The following NRTN variants were observed in gnomAD, a reference collection of about 807,000 sequenced individuals.
The protein encoded by NRTN is prepro-neurturin.
NRTN carries 3 observed loss-of-function variants against 7.5 expected under a neutral mutation model. The ratio of observed to expected loss-of-function variants is 0.40; its 90% CI spans 0.18 to 1.03. The LOEUF (loss-of-function observed/expected upper bound fraction) is 1.03. Ranked by LOEUF, NRTN falls within the 50% of genes least tolerant of loss-of-function variation. The probability of loss-of-function intolerance (pLI) is 0.34; values close to 1 mark genes in which losing one functional copy is unlikely to be tolerated. For synonymous variants in NRTN, 157 were observed against 146.6 expected, an observed-to-expected ratio of 1.07 and a Z score of -0.51; for missense variants, 310 against 307.0, an observed-to-expected ratio of 1.01 and a Z score of -0.07.
chr19:5,807,381 A>G (rs951707091), intron 1 of NRTN, among the ~76,000 whole-genome samples: 4 of 152,176 alleles, frequency 2.6e-5, no homozygotes, highest in African/African-American at 9.7e-5. Context: ...CCGCTGATGC[A>G]TCTCCCTGGT....
chr19:5,808,067 A>G (rs1444925222), intron 1 of NRTN, among the ~76,000 whole-genome samples: 1 of 152,178 alleles, frequency 6.6e-6, no homozygotes, highest in African/African-American at 2.4e-5. Flanking sequence ...TGGGTGACAG[A>G]GTGAGACCCC....
chr19:5,812,453 G>A (rs1255662467), intron 1 of NRTN, among the ~76,000 whole-genome samples: 1 of 152,210 alleles, frequency 6.6e-6, no homozygotes, highest in Non-Finnish European at 1.5e-5. Context: ...AGGGGCGGCT[G>A]GGGGTGTCTG....
chr19:5,808,077 C>T (rs865829293), intron 1 of NRTN, among the ~76,000 whole-genome samples: 2 of 152,076 alleles, frequency 1.3e-5, no homozygotes, highest in African/African-American at 4.8e-5. Flanking sequence ...AGTGAGACCC[C>T]GTCTCAAAAG....
At chr19:5,818,326 G>A (rs1599636868) in intron 1 of NRTN, among the ~76,000 whole-genome samples, 1 of 152,126 alleles carries the variant, frequency 6.6e-6, no homozygotes, top group Non-Finnish European at 1.5e-5. Flanking sequence ...ATGTGAGTGT[G>A]ATCGTGTGTG....
chr19:5,826,451 CAG>C (rs1314195445), intron 2 of NRTN, among the ~76,000 whole-genome samples: 1 of 152,170 alleles, frequency 6.6e-6, no homozygotes, highest in Non-Finnish European at 1.5e-5. Context: ...GCGAAAGTGG[CAG>C]AGTCATGCTC....
chr19:5,827,733 C>T lies in NRTN; in HGVS notation c.170-16C>T. 1 of 1,092,452 alleles carries T rather than the reference C, an allele frequency of 9.2e-7. No homozygotes were observed. The highest frequency in any genetic ancestry group is 1.7e-5 in the African/African-American group (1 of 60,310). 67.7% of individuals were successfully genotyped at this position (1,092,452 alleles called of 1,614,324 possible). A position where few individuals can be genotyped will look rare whatever the true frequency, so the allele number is the denominator to read the frequency against. Reference sequence around the variant, plus strand: ...CACCCACTGACCCCCCCTCCTTTCTCTTCCTCCCCTCGCAGACCGTGCACT... The same window carrying T: ...CACCCACTGACCCCCCCTCCTTTCTTTTCCTCCCCTCGCAGACCGTGCACT... On this transcript the variant is annotated splice_polypyrimidine_tract_variant and intron_variant, in intron 2 of 2. Coordinates refer to ENST00000303212, the MANE Select transcript of NRTN (RefSeq NM_004558.5).
Position 5,828,029 on chromosome 19 carries a change from G to A in NRTN, c.450G>A (p.Gln150=), listed in dbSNP as rs2057055053. 1.4e-6 allele frequency: 2 copies of A among 1,420,504 alleles called. No individual in the cohort carries two copies. The highest frequency in any genetic ancestry group is 1.8e-6 in the Non-Finnish European group (2 of 1,095,616). 88.0% of individuals were successfully genotyped at this position (1,420,504 alleles called of 1,614,324 possible). ...VYDLGLRRLR[Q]RRRLRRERVR... is the part of the protein sequence containing the mutation. The stretch of plus-strand genomic sequence containing the variant: ...ACCTCGGGCTGCGACGACTGCGCCA[G>A]CGGCGGCGCCTGCGGCGGGAGCGGG... Residue 150 remains glutamine, a synonymous_variant, in exon 3 of 3, where the codon CAG becomes CAA. Transcript: ENST00000303212.
At chr19:5,811,006 G>A (rs2056989008) in intron 1 of NRTN, among the ~76,000 whole-genome samples, 1 of 151,864 alleles carries the variant, frequency 6.6e-6, no homozygotes, top group Non-Finnish European at 1.5e-5. Flanking sequence ...GGAGTCTGAG[G>A]CAGGAGGATC....
chr19:5,805,713 C>G (rs1044661474), intron 1 of NRTN, among the ~76,000 whole-genome samples: 2 of 152,012 alleles, frequency 1.3e-5, no homozygotes, highest in African/African-American at 4.8e-5. Context: ...ACGGGGCGGG[C>G]GCACTCCTGT....
chr19:5,820,737 A>AG (rs2057021757), intron 1 of NRTN, among the ~76,000 whole-genome samples: 1 of 48,510 alleles, frequency 2.1e-5, no homozygotes, highest in Non-Finnish European at 4.8e-5. Context: ...CTCTGTCTCA[A>AG]GAAAAAAAAA....
chr19:5,820,265 C>CAAA lies in NRTN; in HGVS notation c.-398-3487_-398-3485dup, dbSNP rs61584587. On this transcript the variant is annotated intron_variant, in intron 1 of 2. Coordinates refer to ENST00000303212, the MANE Select transcript of NRTN (RefSeq NM_004558.5). ...TGGGCGACAGAGCAAGACTCCGTCT[C>CAAA]AAAAAAAAAAAAAAAAAATTGCCGG... Among the ~76,000 whole-genome samples the CAAA allele has an allele frequency of 1.5e-3, 126 of 84,526 alleles. 1 individual carries two copies. Among genetic ancestry groups the CAAA allele is most frequent in the Admixed American group, 3.1e-3 (21 of 6,734 alleles). The allele number at this position is 84,526 out of a possible 152,430, so 55.5% of individuals were successfully genotyped here.
chr19:5,805,994 C>T (rs972839617), intron 1 of NRTN, among the ~76,000 whole-genome samples: 6 of 152,092 alleles, frequency 3.9e-5, no homozygotes, highest in Non-Finnish European at 5.9e-5. Context: ...CGGGCCCTCT[C>T]GGCTCCTGGA....
At chr19:5,815,501 G>A (rs898005944) in intron 1 of NRTN, among the ~76,000 whole-genome samples, 7 of 146,456 alleles carry the variant, frequency 4.8e-5, no homozygotes, top group Non-Finnish European at 1.0e-4. Context: ...GCGCGATCTC[G>A]GCTCACTGCA....
chr19:5,819,913 CTATA>C (rs1379741803), intron 1 of NRTN, among the ~76,000 whole-genome samples: 2 of 151,862 alleles, frequency 1.3e-5, no homozygotes, highest in Non-Finnish European at 1.5e-5. Flanking sequence ...GTTGGAATGA[CTATA>C]TCTGTGTTAA....
Position 5,811,945 on chromosome 19 carries a change from C to T in NRTN, c.-399+6494C>T, listed in dbSNP as rs980381310. Among the ~76,000 whole-genome samples the T allele has an allele frequency of 5.3e-5, 8 of 151,990 alleles. No individual in the cohort carries two copies. The East Asian group carries it at 1.5e-3, about 29-fold the overall frequency. On this transcript the variant is annotated intron_variant, in intron 1 of 2. Coordinates refer to ENST00000303212, the MANE Select transcript of NRTN (RefSeq NM_004558.5). ...AGTACAGTGGCGCGATCTTGGCCCA[C>T]TGCAAGCTCCGCCTCTTGGGTTCAC...
At chr19:5,817,487 G>C (rs1599636489) in intron 1 of NRTN, among the ~76,000 whole-genome samples, 1 of 127,970 alleles carries the variant, frequency 7.8e-6, no homozygotes, top group Non-Finnish European at 1.6e-5. Flanking sequence ...GGAAGGGAAA[G>C]AGAGAGAGAA....
At chr19:5,817,727 G>A (rs1480076773) in intron 1 of NRTN, among the ~76,000 whole-genome samples, 1 of 152,202 alleles carries the variant, frequency 6.6e-6, no homozygotes, top group Non-Finnish European at 1.5e-5. Flanking sequence ...GTGTGTGAGT[G>A]TGAGGACAAC....
intron 1 of NRTN, among the ~76,000 whole-genome samples, chr19:5,822,397 C>T (rs753535464): frequency 3.9e-5 from 6 of 152,326 alleles, no homozygotes; most frequent in East Asian, 1.9e-4. Context: ...CCAGGCTCCA[C>T]GCCGCCCCAC....
At chr19:5,826,134 C>CAAA (rs368989978) in intron 2 of NRTN, among the ~76,000 whole-genome samples, 1 of 129,952 alleles carries the variant, frequency 7.7e-6, no homozygotes, top group Non-Finnish European at 1.7e-5. Context: ...GACTCCGTCT[C>CAAA]AAAAAAAAAA....
Sources: allele counts gnomAD v4.1 joint callset (sites outside exome capture counted in the v4.1 genomes callset), GRCh38; gene constraint gnomAD v4.1.1; transcripts MANE v1.5; gene names NCBI Gene and HGNC (gene_info 2026-07-23, HGNC 2026-07-21).